The following NOP9 variants were observed in gnomAD, a reference collection of about 807,000 sequenced individuals.
NOP9 encodes nucleolar protein 9.
A neutral mutation model predicts 63.0 loss-of-function variants in NOP9; 50 were observed. The ratio of observed to expected loss-of-function variants is 0.79; its 90% CI spans 0.63 to 1.00. The LOEUF (loss-of-function observed/expected upper bound fraction) is 1.00, where lower values mean the gene tolerates loss of function less well. NOP9 is among the 50% of genes least tolerant of loss of function. The pLI is 0.00. For synonymous variants in NOP9, 343 were observed against 332.8 expected, an observed-to-expected ratio of 1.03 and a Z score of -0.33; for missense variants, 758 against 803.0, an observed-to-expected ratio of 0.94 and a Z score of 0.68.
intron 6 of NOP9, 49 bp downstream of exon 6, chr14:24,303,263 A>C: frequency 6.2e-7 from 1 of 1,607,970 alleles, no homozygotes; most frequent in Non-Finnish European, 8.5e-7. Flanking sequence ...TTCAACTTCT[A>C]CCTTTTAGGA....
the NOP9 span, chr14:24,293,242 T>C: frequency 6.5e-6 from 1 of 154,782 alleles, no homozygotes; most frequent in Non-Finnish European, 1.4e-5. Context: ...GAGGAATTGA[T>C]AAAATAATCT....
At chr14:24,290,904 G>GA in the NOP9 span, 1 of 1,613,912 alleles carries the variant, frequency 6.2e-7, no homozygotes. Context: ...TGGGCACACG[G>GA]AGGAAGGAGG....
Position 24,300,003 on chromosome 14 carries a change from G to C in NOP9, c.49G>C (p.Ala17Pro). 6.2e-7 allele frequency: 1 copy of C among 1,600,702 alleles called. No individual in the cohort carries two copies. Among genetic ancestry groups the C allele is most frequent in the Non-Finnish European group, 8.5e-7 (1 of 1,172,960 alleles). Residue 17 changes from alanine (A) to proline (P), a missense_variant, in exon 1 of 10, where the codon GCT (alanine) becomes CCT (proline). Ala to Pro is a conservative substitution (Grantham distance 27). Coordinates refer to ENST00000267425, the MANE Select transcript of NOP9 (RefSeq NM_174913.3). ...SPHKVGRRFP[A>P]GGKRGRGAKG... ...ACACAAGGTGGGGCGCCGGTTCCCAGCTGGTGGCAAACGGGGGCGCGGGGC... is the reference window on the plus strand; with the variant it reads ...ACACAAGGTGGGGCGCCGGTTCCCACCTGGTGGCAAACGGGGGCGCGGGGC...
the NOP9 span, among the ~76,000 whole-genome samples, chr14:24,279,483 G>T: frequency 3.9e-4 from 60 of 152,328 alleles, no homozygotes; most frequent in South Asian, 1.0e-3. Context: ...GGTCCCCAAG[G>T]TTGCCCTAAA....
intron 5 of NOP9, 27 bp downstream of exon 5, chr14:24,302,451 G>A (rs1327238657): frequency 1.3e-6 from 2 of 1,587,246 alleles, no homozygotes; most frequent in African/African-American, 1.3e-5. Flanking sequence ...AGCTGGATCT[G>A]TTTCTGCTAA....
At chr14:24,299,716 T>G (rs1208388012), upstream of NOP9, 6 of 503,736 alleles carry the variant, frequency 1.2e-5, no homozygotes, top group Non-Finnish European at 2.1e-5. Context: ...GGCGATTCTG[T>G]GCTGAGGTAG....
intron 1 of NOP9, 86 bp downstream of exon 1, chr14:24,300,287 C>G: frequency 6.4e-7 from 1 of 1,573,696 alleles, no homozygotes; most frequent in East Asian, 2.2e-5. Context: ...GGCGTGGGGA[C>G]TTAGTTTCAT....
chr14:24,297,332 C>G (rs1484531374), upstream of NOP9, among the ~76,000 whole-genome samples: 27 of 152,198 alleles, frequency 1.8e-4, no homozygotes, highest in Admixed American at 1.8e-3. Flanking sequence ...CACCAATGCT[C>G]CTGGTTGGTA....
chr14:24,300,449 G>A lies in NOP9; in HGVS notation c.289G>A (p.Ala97Thr). Reference protein sequence around the residue: ...HNIMKEVETQALALSTNRTGS... With the variant: ...HNIMKEVETQTLALSTNRTGS... ...TATAATGAAGGAAGTAGAGACTCAG[G>A]CCCTAGCTTTGTCCACGAACAGGAC... The change falls in exon 2 of 10, where the codon GCC (alanine) becomes ACC (threonine). Residue 97 changes from alanine to threonine, a missense_variant. Transcript: ENST00000267425. The A allele has an allele frequency of 6.2e-7, 1 of 1,614,086 alleles. No homozygotes were observed. The highest frequency in any genetic ancestry group is 8.5e-7 in the Non-Finnish European group (1 of 1,179,990).
At chr14:24,287,734 T>A in the NOP9 span, among the ~76,000 whole-genome samples, 1 of 152,126 alleles carries the variant, frequency 6.6e-6, no homozygotes, top group Non-Finnish European at 1.5e-5. Context: ...CCTTTATGTG[T>A]CTGGTTAGTC....
chr14:24,307,651 A>G lies in NOP9; in HGVS notation c.*2556A>G, dbSNP rs2041559947. ...ATCGATTAGGGATGAGGGAGAGACC[A>G]TGGAGTGCAGGTGGGGGCGGGTGGC... is the stretch of plus-strand genomic sequence containing the variant. On this transcript the variant is annotated 3_prime_UTR_variant, in exon 10 of 10. Coordinates refer to ENST00000267425, the MANE Select transcript of NOP9 (RefSeq NM_174913.3). The G allele has an allele frequency of 1.3e-5, 10 of 769,620 alleles. No homozygotes were observed. In the South Asian group the frequency reaches 1.5e-4, roughly 12 times the overall value. The allele number at this position is 769,620 out of a possible 1,614,324, so 47.7% of individuals were successfully genotyped here. A position where few individuals can be genotyped will look rare whatever the true frequency, so the allele number is the denominator to read the frequency against.
intron 5 of NOP9, 25 bp downstream of exon 5, chr14:24,302,449 C>T (rs1396177117): frequency 6.3e-7 from 1 of 1,587,476 alleles, no homozygotes; most frequent in South Asian, 1.1e-5. Flanking sequence ...TGAGCTGGAT[C>T]TGTTTCTGCT....
At chr14:24,278,324 G>T in the NOP9 span, among the ~76,000 whole-genome samples, 1 of 152,216 alleles carries the variant, frequency 6.6e-6, no homozygotes, top group African/African-American at 2.4e-5. Flanking sequence ...AACTGTGGGG[G>T]TGCTGGTGGG....
the NOP9 span, among the ~76,000 whole-genome samples, chr14:24,285,562 G>A: frequency 3.3e-5 from 5 of 152,320 alleles, no homozygotes; most frequent in East Asian, 9.6e-4. Context: ...TGTCTCTGTG[G>A]CCACCCAAGA....
chr14:24,297,147 G>A (rs559719529), upstream of NOP9, among the ~76,000 whole-genome samples: 8 of 152,356 alleles, frequency 5.3e-5, no homozygotes, highest in Non-Finnish European at 8.8e-5. Flanking sequence ...CATGTGCACA[G>A]CATTGTACTT....
At chr14:24,299,194 G>T, upstream of NOP9, 1 of 1,435,140 alleles carries the variant, frequency 7.0e-7, no homozygotes, top group Non-Finnish European at 9.3e-7. Context: ...GGGCGAGGTT[G>T]GGGGGTAGGG....
At position 24,301,984 on chromosome 14, in the gene NOP9, C is replaced by T. The variant is rs1488046578; in HGVS notation, c.828C>T (p.Ile276=). The T allele has an allele frequency of 1.2e-6, 2 of 1,613,938 alleles. No homozygotes were observed. The highest frequency in any genetic ancestry group is 1.7e-5 in the Admixed American group (1 of 59,994). The change falls in exon 4 of 10, where the codon ATC becomes ATT. Residue 276 remains isoleucine, a synonymous_variant. Coordinates refer to ENST00000267425, the MANE Select transcript of NOP9 (RefSeq NM_174913.3). ...KDIAVFITDK[I]SSFCLQVALQ... is the part of the protein sequence containing the mutation. Reference sequence around the variant, plus strand: ...CCACAGTGTTTATCACTGATAAGATCTCCAGCTTCTGTCTTCAAGTGGCTT... The same window carrying T: ...CCACAGTGTTTATCACTGATAAGATTTCCAGCTTCTGTCTTCAAGTGGCTT...
chr14:24,296,944 CCCAA>C, upstream of NOP9: 1 of 1,607,026 alleles, frequency 6.2e-7, no homozygotes, highest in Non-Finnish European at 8.5e-7. Context: ...GACAAAACTC[CCCAA>C]CCAAAGTGGG....
the NOP9 span, chr14:24,271,505 CGGGGGACGCG>C: frequency 1.7e-5 from 3 of 179,362 alleles, no homozygotes; most frequent in Non-Finnish European, 2.3e-5. Context: ...GGAGGAGGCG[CGGGGGACGCG>C]GAGCTGCGGC....
Sources: gnomAD v4.1 joint callset for allele counts (sites outside exome capture counted in the v4.1 genomes callset) on GRCh38, gnomAD v4.1.1 for gene constraint, MANE v1.5 for transcripts, NCBI Gene and HGNC (gene_info 2026-07-23, HGNC 2026-07-21) for gene names.